RSRC1: variants seen among roughly 807,000 people sequenced by gnomAD.
The protein encoded by RSRC1 is serine/Arginine-related protein 53.
Under a neutral mutation model 49.1 loss-of-function variants are expected in RSRC1, and 39 were observed. The ratio of observed to expected loss-of-function variants is 0.79; its 90% confidence interval spans 0.61 to 1.04. The LOEUF is 1.04. RSRC1 is among the 50% of genes least tolerant of loss of function. The pLI is 0.00. For missense variants in RSRC1, 388 were observed against 402.4 expected (o/e 0.96, Z 0.31); for synonymous variants, 143 against 130.8 (o/e 1.09, Z -0.63).
rs59055843 is a variant in RSRC1 at position 158,364,816 on chromosome 3, A to AAATAATAATAATAATAATAAT, written c.583+9922_583+9942dup. Reference sequence around the variant, plus strand: ...CAGTTTTTTATTTACAGAATGGGAAAAATAATAATAATAATAATAATAATA... The same window carrying AAATAATAATAATAATAATAAT: ...CAGTTTTTTATTTACAGAATGGGAAAAATAATAATAATAATAATAATAATAATAATAATAATAATAATAATA... On this transcript the variant is annotated intron_variant, in intron 6 of 9. Transcript: ENST00000611884. Among the ~76,000 whole-genome samples the AAATAATAATAATAATAATAAT allele has an allele frequency of 5.0e-4, 72 of 144,202 alleles. 1 individual carries two copies. Among genetic ancestry groups the AAATAATAATAATAATAATAAT allele is most frequent in the East Asian group, 2.6e-3 (13 of 4,964 alleles). 94.6% of individuals were successfully genotyped at this position (144,202 alleles called of 152,430 possible). A position where few individuals can be genotyped will look rare whatever the true frequency, so the allele number is the denominator to read the frequency against.
chr3:158,488,264 A>T (rs1450492699), intron 7 of RSRC1, among the ~76,000 whole-genome samples: 1 of 152,158 alleles, frequency 6.6e-6, no homozygotes, highest in Non-Finnish European at 1.5e-5. Context: ...TTTAATAAGT[A>T]TAAAAAATTC....
chr3:158,164,475 A>C (rs1223292159), intron 3 of RSRC1, among the ~76,000 whole-genome samples: 1 of 152,118 alleles, frequency 6.6e-6, no homozygotes, highest in African/African-American at 2.4e-5. Flanking sequence ...AAATTATAAA[A>C]ATATTTATGA....
intron 7 of RSRC1, among the ~76,000 whole-genome samples, chr3:158,530,518 A>G (rs1712321888): frequency 6.6e-6 from 1 of 151,982 alleles, no homozygotes; most frequent in East Asian, 1.9e-4. Context: ...AAGCTCATGA[A>G]GGAAGAAACT....
intron 3 of RSRC1, among the ~76,000 whole-genome samples, chr3:158,194,673 T>G (rs1578183925): frequency 1.9e-5 from 2 of 103,412 alleles, no homozygotes; most frequent in Non-Finnish European, 3.7e-5. Context: ...CAGGCCCCGG[T>G]GTGTGATGTT....
chr3:158,170,301 G>T (rs1718798812), intron 3 of RSRC1, among the ~76,000 whole-genome samples: 1 of 109,988 alleles, frequency 9.1e-6, no homozygotes, highest in South Asian at 2.6e-4. Flanking sequence ...CCTCTTTCTG[G>T]TCTGCCTTTT....
rs201521445 is a variant in RSRC1, at chr3:158,123,982, G to A, written c.311G>A (p.Arg104Lys). The A allele has an allele frequency of 6.3e-7, 1 of 1,595,084 alleles. No homozygotes were observed. The highest frequency in any genetic ancestry group is 8.5e-7 in the Non-Finnish European group (1 of 1,171,592). The change falls in exon 3 of 10, where the codon AGA becomes AAA. Residue 104 changes from arginine to lysine, a missense_variant. Arg to Lys is a conservative substitution (Grantham distance 26, BLOSUM62 2). Transcript: ENST00000611884. ...GTTCAGAGGTCTAGGTCAAAAAGCA[G>A]AACAAGAAGGTATGCCTTATTAAGT... is the stretch of plus-strand genomic sequence containing the variant. ...YRVQRSRSKSRTRRSRSRPRL... is the reference protein window; with the variant it reads ...YRVQRSRSKSKTRRSRSRPRL...
chr3:158,130,384 A>G (rs1715936560), intron 3 of RSRC1, among the ~76,000 whole-genome samples: 1 of 152,192 alleles, frequency 6.6e-6, no homozygotes, highest in Non-Finnish European at 1.5e-5. Context: ...TTTTGACACT[A>G]TTGAAAATGG....
intron 6 of RSRC1, among the ~76,000 whole-genome samples, chr3:158,399,053 A>G (rs962300096): frequency 1.4e-5 from 2 of 147,060 alleles, no homozygotes; most frequent in African/African-American, 4.9e-5. Flanking sequence ...ATCATGTTTG[A>G]GATATTTCTA....
At chr3:158,158,802 G>A (rs188304998) in intron 3 of RSRC1, among the ~76,000 whole-genome samples, 3 of 152,002 alleles carry the variant, frequency 2.0e-5, no homozygotes, top group East Asian at 3.9e-4. Context: ...TGCCAGGCCT[G>A]GTGGCCTGTG....
At chr3:158,532,131 T>G (rs979449940) in intron 7 of RSRC1, among the ~76,000 whole-genome samples, 1 of 151,826 alleles carries the variant, frequency 6.6e-6, no homozygotes, top group African/African-American at 2.4e-5. Context: ...TTAGTATATA[T>G]TTTTTTCCTG....
intron 5 of RSRC1, among the ~76,000 whole-genome samples, chr3:158,298,386 T>G (rs925570001): frequency 6.6e-6 from 1 of 152,110 alleles, no homozygotes; most frequent in African/African-American, 2.4e-5. Context: ...TATCTTGATC[T>G]GATGAAAACA....
At chr3:158,401,074 G>A (rs1242395077) in intron 6 of RSRC1, among the ~76,000 whole-genome samples, 2 of 151,984 alleles carry the variant, frequency 1.3e-5, no homozygotes, top group Non-Finnish European at 2.9e-5. Context: ...ATGCTATACA[G>A]CTTTGTAGCC....
At chr3:158,488,242 T>C (rs1254600843) in intron 7 of RSRC1, among the ~76,000 whole-genome samples, 1 of 152,144 alleles carries the variant, frequency 6.6e-6, no homozygotes, top group East Asian at 1.9e-4. Flanking sequence ...CTGTTATGTC[T>C]GAAGGAACTC....
chr3:158,517,755 ATTTTTTTTTTTTTTTTTTTTTTTT>A (rs766129663), intron 7 of RSRC1, among the ~76,000 whole-genome samples: 3 of 35,174 alleles, frequency 8.5e-5, no homozygotes, highest in South Asian at 1.6e-3. Context: ...CACCCAGCTA[ATTTTTTTTTTTTTTTTTTTTTTTT>A]TTTTTTTTTT....
intron 5 of RSRC1, among the ~76,000 whole-genome samples, chr3:158,328,681 C>G (rs1028414569): frequency 3.3e-4 from 50 of 152,234 alleles, no homozygotes; most frequent in Non-Finnish European, 5.9e-4. Context: ...TCCTTCATTT[C>G]AACTTTGGTG....
chr3:158,296,883 A>C lies in RSRC1; in HGVS notation c.495-1156A>C, dbSNP rs146702429. Reference sequence around the variant, plus strand: ...ATGTCAGACTGGGCAGTGAGAGCAAAGGTTGGAAGCCATGAGTACAGTTTT... The same window carrying C: ...ATGTCAGACTGGGCAGTGAGAGCAACGGTTGGAAGCCATGAGTACAGTTTT... On this transcript the variant is annotated intron_variant, in intron 4 of 9. Coordinates refer to ENST00000611884, the MANE Select transcript of RSRC1 (RefSeq NM_001271838.2). Among the ~76,000 whole-genome samples, 323 of 152,222 alleles carry C rather than the reference A, an allele frequency of 2.1e-3. 1 individual carries two copies. Among genetic ancestry groups the C allele is most frequent in the Admixed American group, 0.013 (202 of 15,270 alleles).
rs1465760059 is a variant in RSRC1, at chr3:158,306,621, A to T, written c.531+8546A>T. On this transcript the variant is annotated intron_variant, in intron 5 of 9. Transcript: ENST00000611884. ...GGGTTACTTTATATAAGAAAATCCTATCTCATAATTGCAAAAAACAAATAA... is the reference window on the plus strand; with the variant it reads ...GGGTTACTTTATATAAGAAAATCCTTTCTCATAATTGCAAAAAACAAATAA... Among the ~76,000 whole-genome samples, 4 of 151,918 alleles carry T rather than the reference A, an allele frequency of 2.6e-5. No homozygotes were observed. The East Asian group carries it at 7.7e-4, about 29-fold the overall frequency.
At chr3:158,249,554 T>C (rs1724090151) in intron 4 of RSRC1, among the ~76,000 whole-genome samples, 1 of 152,232 alleles carries the variant, frequency 6.6e-6, no homozygotes, top group Admixed American at 6.5e-5. Flanking sequence ...TTTTGACTAT[T>C]ACAAAACCAG....
At chr3:158,373,337 C>T (rs1337106814) in intron 6 of RSRC1, among the ~76,000 whole-genome samples, 1 of 151,858 alleles carries the variant, frequency 6.6e-6, no homozygotes, top group Non-Finnish European at 1.5e-5. Flanking sequence ...CAGTCTTTCA[C>T]CATTAAGCAA....
Sources: gnomAD v4.1 joint callset for allele counts (sites outside exome capture counted in the v4.1 genomes callset) on GRCh38, gnomAD v4.1.1 for gene constraint, MANE v1.5 for transcripts, NCBI Gene and HGNC (gene_info 2026-07-23, HGNC 2026-07-21) for gene names.